Variants in POF1B observed in about 807,000 individuals in gnomAD.
POF1B encodes the protein protein POF1B.
Under a neutral mutation model 55.3 loss-of-function variants are expected in POF1B, and 53 were observed. The ratio of observed to expected loss-of-function variants is 0.96; its 90% CI spans 0.77 to 1.20. POF1B has a LOEUF of 1.20. Ranked by LOEUF, POF1B falls within the 50% of genes most tolerant of loss-of-function variation. POF1B has a pLI of 0.00. For missense variants in POF1B, 478 were observed against 420.5 expected, an observed-to-expected ratio of 1.14 and a Z score of -1.20; for synonymous variants, 188 against 148.3, an observed-to-expected ratio of 1.27 and a Z score of -1.95.
At chrX:85,300,138 G>A (rs6623258) in intron 15 of POF1B, among the ~76,000 whole-genome samples, 1 of 112,308 alleles carries the variant, frequency 8.9e-6, no homozygotes, top group East Asian at 2.8e-4. Context: ...ATTGTCCATA[G>A]TGGGCTTTGA....
intron 14 of POF1B, 88 bp from the exon 15 acceptor site, chrX:85,303,576 CAAT>C: frequency 1.6e-6 from 1 of 625,256 alleles, no homozygotes; most frequent in Admixed American, 3.3e-5. Context: ...GGGTTACTAA[CAAT>C]GATTATACCC....
intron 15 of POF1B, 99 bp from the exon 16 acceptor site, chrX:85,282,416 C>T (rs774867901): frequency 4.0e-5 from 20 of 495,788 alleles, no homozygotes; most frequent in Middle Eastern, 4.0e-4. Flanking sequence ...TAAGCCAATT[C>T]GGCTCTGAAT....
chrX:85,289,552 G>C (rs1041809108), intron 15 of POF1B, among the ~76,000 whole-genome samples: 2 of 111,509 alleles, frequency 1.8e-5, no homozygotes, highest in African/African-American at 6.5e-5. Context: ...AAATATAACT[G>C]GGTAAGGTGT....
At chrX:85,359,246 T>C (rs1361977374) in intron 4 of POF1B, among the ~76,000 whole-genome samples, 2 of 111,268 alleles carry the variant, frequency 1.8e-5, no homozygotes, top group Non-Finnish European at 3.8e-5. Context: ...GTCCCTTTTT[T>C]CTTTCGTTCA....
At chrX:85,306,394 T>C in intron 11 of POF1B, 61 bp from the exon 12 acceptor site, 1 of 1,043,268 alleles carries the variant, frequency 9.6e-7, no homozygotes, top group Non-Finnish European at 1.3e-6. Flanking sequence ...GGGAGTGTTC[T>C]TTTTATTGAT....
At chrX:85,318,606 G>C (rs1932807764) in intron 7 of POF1B, among the ~76,000 whole-genome samples, 1 of 111,747 alleles carries the variant, frequency 8.9e-6, no homozygotes, top group Non-Finnish European at 1.9e-5. Flanking sequence ...AGTTATCCCA[G>C]CACCATCTAT....
intron 5 of POF1B, 24 bp from the exon 6 acceptor site, chrX:85,346,066 A>G: frequency 9.6e-7 from 1 of 1,040,279 alleles, no homozygotes; most frequent in African/African-American, 1.9e-5. Flanking sequence ...ACATGCCAAA[A>G]ACAGCCACTT....
At chrX:85,303,331 A>G in intron 15 of POF1B, 75 bp downstream of exon 15, 2 of 686,090 alleles carry the variant, frequency 2.9e-6, no homozygotes, top group Non-Finnish European at 4.4e-6. Context: ...GCTTGTATAT[A>G]CCAATTAAAC....
At chrX:85,332,792 A>G (rs1933002449) in intron 6 of POF1B, among the ~76,000 whole-genome samples, 1 of 111,519 alleles carries the variant, frequency 9.0e-6, no homozygotes, top group African/African-American at 3.2e-5. Flanking sequence ...TGTTCAGTCT[A>G]GATGAATATA....
chrX:85,373,947 A>T (rs1011610130), intron 2 of POF1B, among the ~76,000 whole-genome samples: 2 of 111,341 alleles, frequency 1.8e-5, no homozygotes, highest in African/African-American at 6.5e-5. Context: ...CTTAGCTAAA[A>T]CATAGGACAC....
intron 7 of POF1B, among the ~76,000 whole-genome samples, chrX:85,317,455 A>G (rs1472877069): frequency 9.1e-6 from 1 of 109,578 alleles, no homozygotes; most frequent in Non-Finnish European, 1.9e-5. Flanking sequence ...TTGACTTTTT[A>G]ATAACAACCA....
Position 85,340,318 on chromosome X carries a change from G to T in POF1B, c.723+5542C>A, listed in dbSNP as rs141934151. ...ACACAAAGCAAAGGATCAGCAAAGTGATGCCAGTAAAAGGAGAAGGGCTTC... is the reference window on the plus strand; with the variant it reads ...ACACAAAGCAAAGGATCAGCAAAGTTATGCCAGTAAAAGGAGAAGGGCTTC... On this transcript the variant is annotated intron_variant, in intron 6 of 16. Coordinates refer to ENST00000262753, the MANE Select transcript of POF1B (RefSeq NM_024921.4). Among the ~76,000 whole-genome samples, 667 of 111,023 alleles carry T rather than the reference G, an allele frequency of 6.0e-3. 2 individuals carry two copies. Among genetic ancestry groups the T allele is most frequent in the Middle Eastern group, 0.014 (3 of 218 alleles).
At chrX:85,299,342 G>A (rs1224875711) in intron 15 of POF1B, among the ~76,000 whole-genome samples, 1 of 102,617 alleles carries the variant, frequency 9.7e-6, no homozygotes, top group African/African-American at 3.6e-5. Flanking sequence ...AGGCTGGAGT[G>A]CAGTGGCTCG....
chrX:85,305,698 A>C, intron 13 of POF1B, 93 bp downstream of exon 13: 1 of 1,018,312 alleles, frequency 9.8e-7, no homozygotes, highest in South Asian at 2.8e-5. Flanking sequence ...CCTTCAGCTA[A>C]TTTTTTCTGG....
intron 3 of POF1B, among the ~76,000 whole-genome samples, chrX:85,365,507 G>A (rs758570535): frequency 1.8e-5 from 2 of 111,898 alleles, no homozygotes; most frequent in South Asian, 7.6e-4. Flanking sequence ...GGTTTCACAG[G>A]GGGCTATGTT....
chrX:85,291,113 A>G (rs1277177365), intron 15 of POF1B, among the ~76,000 whole-genome samples: 1 of 111,845 alleles, frequency 8.9e-6, no homozygotes, highest in Non-Finnish European at 1.9e-5. Context: ...ATTTTTGCAT[A>G]TAGTGTAACG....
In POF1B at chrX:85,379,155, T is replaced by C. The variant is rs1410694084; in HGVS notation, c.282+18A>G. 3 of 1,204,791 alleles carry C rather than the reference T, an allele frequency of 2.5e-6. No homozygotes were observed. The East Asian group carries it at 8.9e-5, about 36-fold the overall frequency. The stretch of plus-strand genomic sequence containing the variant: ...ATTGCCTTTCTCCACTAGTCTGGCA[T>C]AGCTTTCTTTGTTGTACCTGAGAAT... On this transcript the variant is annotated intron_variant, in intron 2 of 16. Transcript: ENST00000262753.
In POF1B at chrX:85,315,690, A is replaced by C; in HGVS notation, c.882+17T>G. 5.3e-6 allele frequency: 6 copies of C among 1,137,530 alleles called. No individual in the cohort carries two copies. Among genetic ancestry groups the C allele is most frequent in the Non-Finnish European group, 7.0e-6 (6 of 858,126 alleles). 93.7% of individuals were successfully genotyped at this position (1,137,530 alleles called of 1,213,427 possible). ...GTTATTATACTATATTCGATTTTCA[A>C]CTATCTTTGCACTTACCTCATCTGT... On this transcript the variant is annotated intron_variant, in intron 8 of 16. Transcript: ENST00000262753.
intron 5 of POF1B, among the ~76,000 whole-genome samples, chrX:85,348,449 C>A (rs771015754): frequency 9.1e-6 from 1 of 110,494 alleles, no homozygotes; most frequent in Non-Finnish European, 1.9e-5. Context: ...ACTTTACCAC[C>A]CTTCCAACAC....
Sources: gnomAD v4.1 joint callset for allele counts (sites outside exome capture counted in the v4.1 genomes callset) on GRCh38, gnomAD v4.1.1 for gene constraint, MANE v1.5 for transcripts, NCBI Gene and HGNC (gene_info 2026-07-23, HGNC 2026-07-21) for gene names.